ADAMTS2: variants seen among roughly 807,000 people sequenced by gnomAD.
The protein encoded by ADAMTS2 is ADAM metallopeptidase with thrombospondin type 1 motif 2, also known as A disintegrin and metalloproteinase with thrombospondin motifs 2.
ADAMTS2 carries 50 observed loss-of-function variants against 123.0 expected under a neutral mutation model. That is an observed-to-expected ratio of 0.41 (90% confidence interval 0.32 to 0.51). The LOEUF (loss-of-function observed/expected upper bound fraction) is 0.51, where lower values mean the gene tolerates loss of function less well. Ranked by LOEUF, ADAMTS2 falls within the 20% of genes least tolerant of loss-of-function variation. The probability of loss-of-function intolerance (pLI) is 0.35; values close to 1 mark genes in which losing one functional copy is unlikely to be tolerated. For missense variants in ADAMTS2, 1,494 were observed against 1,705.2 expected (o/e 0.88, Z 2.18); for synonymous variants, 678 against 695.4 (o/e 0.98, Z 0.39).
intron 4 of ADAMTS2, among the ~76,000 whole-genome samples, chr5:179,198,733 C>G (rs528988902): frequency 5.8e-4 from 88 of 151,990 alleles, no homozygotes; most frequent in African/African-American, 1.9e-3. Context: ...ACTTGGGAGG[C>G]TGAGGCAGGA....
intron 4 of ADAMTS2, among the ~76,000 whole-genome samples, chr5:179,183,546 G>C (rs529211649): frequency 3.9e-5 from 6 of 152,220 alleles, no homozygotes; most frequent in Admixed American, 1.3e-4. Context: ...GGGCCCAACT[G>C]GTGGCCCAGC....
intron 3 of ADAMTS2, among the ~76,000 whole-genome samples, chr5:179,219,388 C>T (rs1167711488): frequency 6.6e-6 from 1 of 152,212 alleles, no homozygotes; most frequent in African/African-American, 2.4e-5. Context: ...CCCTTACAAA[C>T]ACAGACACAG....
intron 2 of ADAMTS2, among the ~76,000 whole-genome samples, chr5:179,295,161 A>G (rs1342054347): frequency 6.6e-6 from 1 of 152,212 alleles, no homozygotes; most frequent in Non-Finnish European, 1.5e-5. Context: ...TTAGAAAGGA[A>G]ACCTGGCTTT....
intron 5 of ADAMTS2, among the ~76,000 whole-genome samples, chr5:179,179,045 A>C (rs1763990761): frequency 6.6e-6 from 1 of 152,152 alleles, no homozygotes; most frequent in Admixed American, 6.5e-5. Flanking sequence ...CCCGGGTTCA[A>C]GCAATTCGCC....
chr5:179,154,261 T>A (rs999541838), intron 7 of ADAMTS2, 69 bp from the exon 8 acceptor site: 1 of 1,532,172 alleles, frequency 6.5e-7, no homozygotes, highest in African/African-American at 1.4e-5. Context: ...CCCACCCCGA[T>A]GATAGGAGGG....
At position 179,117,852 on chromosome 5, in the gene ADAMTS2, G is replaced by A. The variant is rs1244530574; in HGVS notation, c.3179-3528C>T. Reference sequence around the variant, plus strand: ...TGCCCGGCCCATGCATTTCTTATCTGTGGCTGCTTTCCCACTATAAAGGCA... The same window carrying A: ...TGCCCGGCCCATGCATTTCTTATCTATGGCTGCTTTCCCACTATAAAGGCA... On this transcript the variant is annotated intron_variant, in intron 21 of 21. Coordinates refer to ENST00000251582, the MANE Select transcript of ADAMTS2 (RefSeq NM_014244.5). The surrounding 1 kb of genome is among the most constrained non-coding windows in gnomAD (Gnocchi z 4.2). Among the ~76,000 whole-genome samples the A allele has an allele frequency of 3.3e-5, 5 of 152,270 alleles. No homozygotes were observed. Among genetic ancestry groups the A allele is most frequent in the Middle Eastern group, 3.4e-3 (1 of 294 alleles).
intron 2 of ADAMTS2, among the ~76,000 whole-genome samples, chr5:179,306,622 T>C (rs1315240616): frequency 6.6e-6 from 1 of 152,020 alleles, no homozygotes; most frequent in Admixed American, 6.6e-5. Flanking sequence ...GCACAGACCC[T>C]CAGGCCAGGG....
chr5:179,286,429 C>T (rs1015296839), intron 2 of ADAMTS2, among the ~76,000 whole-genome samples: 2 of 152,094 alleles, frequency 1.3e-5, no homozygotes, highest in African/African-American at 4.8e-5. Flanking sequence ...ACAGAGCCGG[C>T]ACGGTGGGTC....
chr5:179,329,318 C>T (rs1299913401), intron 2 of ADAMTS2, among the ~76,000 whole-genome samples: 2 of 140,334 alleles, frequency 1.4e-5, no homozygotes, highest in African/African-American at 2.8e-5. Context: ...CAGAGTGAGA[C>T]TCCGTCTCAA....
At chr5:179,196,377 C>T (rs538495790) in intron 4 of ADAMTS2, among the ~76,000 whole-genome samples, 7 of 152,274 alleles carry the variant, frequency 4.6e-5, no homozygotes, top group Admixed American at 6.5e-5. Context: ...GGCCTAGGAG[C>T]GTGTCTGCCC....
intron 3 of ADAMTS2, among the ~76,000 whole-genome samples, chr5:179,235,458 G>C (rs1191723173): frequency 1.3e-5 from 2 of 152,222 alleles, no homozygotes; most frequent in Non-Finnish European, 2.9e-5. Flanking sequence ...GTCCTACCAA[G>C]TCCCAGGCTG....
intron 3 of ADAMTS2, among the ~76,000 whole-genome samples, chr5:179,247,057 C>T (rs1765817426): frequency 6.6e-6 from 1 of 152,198 alleles, no homozygotes; most frequent in Non-Finnish European, 1.5e-5. Context: ...GAAGCCTAGA[C>T]ACCTCATGTG....
In ADAMTS2 at chr5:179,128,960, CCT is replaced by C. The variant is rs372976803; in HGVS notation, c.2458-844_2458-843del. 4.2e-3 allele frequency among the ~76,000 whole-genome samples: 633 copies of C among 152,178 alleles called. 2 individuals are homozygous for C. The highest frequency in any genetic ancestry group is 0.014 in the Middle Eastern group (4 of 294). On this transcript the variant is annotated intron_variant, in intron 16 of 21. Coordinates refer to ENST00000251582, the MANE Select transcript of ADAMTS2 (RefSeq NM_014244.5). The surrounding 1 kb of genome is among the most constrained non-coding windows in gnomAD (Gnocchi z 4.9). The stretch of plus-strand genomic sequence containing the variant: ...CACTCAACAGACTGCAGAAAGAACC[CCT>C]GTTTGTGGGATGAGAGCAGAAACAA...
At chr5:179,211,730 C>G (rs377635051) in intron 3 of ADAMTS2, among the ~76,000 whole-genome samples, 9 of 152,206 alleles carry the variant, frequency 5.9e-5, no homozygotes, top group Admixed American at 5.9e-4. Context: ...ACAGTAGCCA[C>G]GGGCTCATCC....
intron 5 of ADAMTS2, among the ~76,000 whole-genome samples, chr5:179,174,247 T>A (rs1323169331): frequency 6.6e-6 from 1 of 152,182 alleles, no homozygotes; most frequent in Non-Finnish European, 1.5e-5. Context: ...CCACTTGGAT[T>A]TTTTTCTTTG....
At chr5:179,274,193 C>A (rs952140769) in intron 2 of ADAMTS2, among the ~76,000 whole-genome samples, 1 of 152,176 alleles carries the variant, frequency 6.6e-6, no homozygotes, top group Non-Finnish European at 1.5e-5. Flanking sequence ...CCCATGACAA[C>A]TCCAGCTCCT....
chr5:179,158,594 A>C lies in ADAMTS2; in HGVS notation c.1132+129T>G. On this transcript the variant is annotated intron_variant, in intron 6 of 21. Transcript: ENST00000251582. This position sits in a 1 kb window ranked among gnomAD's most constrained non-coding sequence, Gnocchi z 5.0. The stretch of plus-strand genomic sequence containing the variant: ...CACTGCCCCACACCCTCACCCAGCT[A>C]AGGTGGCCACGGCCTTCCCTGCCCT... The C allele has an allele frequency of 8.1e-7, 1 of 1,227,690 alleles. No homozygotes were observed. The highest frequency in any genetic ancestry group is 1.2e-6 in the Non-Finnish European group (1 of 847,688). The allele number at this position is 1,227,690 out of a possible 1,614,324, so 76.0% of individuals were successfully genotyped here. A position where few individuals can be genotyped will look rare whatever the true frequency, so the allele number is the denominator to read the frequency against.
chr5:179,166,793 G>C (rs907907950), intron 5 of ADAMTS2, among the ~76,000 whole-genome samples: 1 of 152,188 alleles, frequency 6.6e-6, no homozygotes, highest in Non-Finnish European at 1.5e-5. Context: ...CCGGGTGGTT[G>C]CTGGGCCCGA....
chr5:179,280,612 A>C (rs1313020727), intron 2 of ADAMTS2, among the ~76,000 whole-genome samples: 2 of 152,188 alleles, frequency 1.3e-5, no homozygotes, highest in Admixed American at 1.3e-4. Flanking sequence ...ATGGCACGCA[A>C]GGCCTTCCAT....
Sources: gnomAD v4.1 joint callset for allele counts (sites outside exome capture counted in the v4.1 genomes callset) on GRCh38, gnomAD v4.1.1 for gene constraint, Gnocchi (gnomAD v3.1) non-coding constraint, MANE v1.5 for transcripts, NCBI Gene and HGNC (gene_info 2026-07-23, HGNC 2026-07-21) for gene names.